Variants in EPHB1 observed in about 807,000 individuals in gnomAD.
The protein encoded by EPHB1 is ephrin type-B receptor 1.
A neutral mutation model predicts 94.4 loss-of-function variants in EPHB1; 30 were observed. That is an observed-to-expected ratio of 0.32 (90% CI 0.24 to 0.43). The LOEUF is 0.43. Among genes scored for constraint, EPHB1 ranks in the 20% least tolerant of loss-of-function variants. EPHB1 has a pLI of 1.00. For synonymous variants in EPHB1, 522 were observed against 489.1 expected, an observed-to-expected ratio of 1.07 and a Z score of -0.89; for missense variants, 1,055 against 1,308.3, an observed-to-expected ratio of 0.81 and a Z score of 2.99.
At chr3:134,896,362 C>T (rs1263493286) in intron 1 of EPHB1, among the ~76,000 whole-genome samples, 2 of 152,172 alleles carry the variant, frequency 1.3e-5, no homozygotes, top group African/African-American at 2.4e-5. Context: ...TGTGGATTGC[C>T]TCATCAGCAC....
At chr3:134,916,709 T>A (rs564974295) in intron 1 of EPHB1, among the ~76,000 whole-genome samples, 8 of 152,102 alleles carry the variant, frequency 5.3e-5, no homozygotes, top group Non-Finnish European at 8.8e-5. Context: ...CCACAAGAGC[T>A]GCACACAGCC....
At chr3:134,819,265 C>T (rs2036334399) in intron 1 of EPHB1, among the ~76,000 whole-genome samples, 1 of 152,062 alleles carries the variant, frequency 6.6e-6, no homozygotes, top group Admixed American at 6.5e-5. Context: ...GTGTGTCCTC[C>T]CTCTCCCTAT....
Position 135,179,887 on chromosome 3 carries a change from A to C in EPHB1, c.1787A>C (p.Asp596Ala). 1 of 1,613,840 alleles carries C rather than the reference A, an allele frequency of 6.2e-7. No individual in the cohort carries two copies. Among genetic ancestry groups the C allele is most frequent in the Non-Finnish European group, 8.5e-7 (1 of 1,179,834 alleles). The change falls in exon 10 of 16, where the codon GAC becomes GCC. Residue 596 changes from aspartate to alanine, a missense_variant. Asp to Ala is a moderately radical substitution (Grantham distance 126, BLOSUM62 -2). Transcript: ENST00000398015. ...TCCCCAGGGATGAAGATCTACATTG[A>C]CCCCTTCACTTACGAGGATCCCAAC... ...RGSPGMKIYI[D>A]PFTYEDPNEA...
chr3:135,047,659 A>G (rs1217159453), intron 3 of EPHB1, among the ~76,000 whole-genome samples: 1 of 152,192 alleles, frequency 6.6e-6, no homozygotes, highest in Non-Finnish European at 1.5e-5. Context: ...TTATTCATTC[A>G]TTCACTCATT....
intron 1 of EPHB1, among the ~76,000 whole-genome samples, chr3:134,868,388 A>T (rs1314838316): frequency 6.6e-6 from 1 of 152,222 alleles, no homozygotes; most frequent in Non-Finnish European, 1.5e-5. Flanking sequence ...GAGAAAATGA[A>T]CTACCCCCTA....
At chr3:134,930,187 G>C (rs536761660) in intron 2 of EPHB1, among the ~76,000 whole-genome samples, 2 of 152,354 alleles carry the variant, frequency 1.3e-5, no homozygotes, top group African/African-American at 4.8e-5. Context: ...GTGTGCCTTT[G>C]ATGCTGTACT....
At chr3:134,805,415 G>A (rs982153204) in intron 1 of EPHB1, among the ~76,000 whole-genome samples, 5 of 152,142 alleles carry the variant, frequency 3.3e-5, no homozygotes, top group African/African-American at 9.7e-5. Flanking sequence ...TTTGGGTGTC[G>A]AACCATAATG....
At chr3:134,948,659 T>C (rs2039262204) in intron 2 of EPHB1, among the ~76,000 whole-genome samples, 1 of 152,258 alleles carries the variant, frequency 6.6e-6, no homozygotes, top group Non-Finnish European at 1.5e-5. Flanking sequence ...CTCTTCCGTG[T>C]TGGCCACATG....
At chr3:135,224,103 C>T (rs765241976) in intron 12 of EPHB1, among the ~76,000 whole-genome samples, 36 of 152,314 alleles carry the variant, frequency 2.4e-4, no homozygotes, top group Middle Eastern at 3.4e-3. Flanking sequence ...CAGTATTCTT[C>T]ATAGTACCAT....
chr3:134,830,891 G>A (rs990524717), intron 1 of EPHB1, among the ~76,000 whole-genome samples: 1 of 152,146 alleles, frequency 6.6e-6, no homozygotes, highest in Non-Finnish European at 1.5e-5. Context: ...GTCAAGAAAG[G>A]GTAGAAGCCC....
At chr3:135,240,202 CTG>C (rs1261301410) in intron 12 of EPHB1, among the ~76,000 whole-genome samples, 1 of 152,156 alleles carries the variant, frequency 6.6e-6, no homozygotes, top group African/African-American at 2.4e-5. Flanking sequence ...GTTTTCTTGT[CTG>C]TCTCCCCACT....
At chr3:135,132,201 A>G (rs1286145735) in intron 4 of EPHB1, among the ~76,000 whole-genome samples, 3 of 152,110 alleles carry the variant, frequency 2.0e-5, no homozygotes, top group Non-Finnish European at 4.4e-5. Context: ...GCCTGTCCCT[A>G]CAGAGATGCA....
chr3:135,253,290 G>A (rs1368810414), intron 15 of EPHB1, among the ~76,000 whole-genome samples: 1 of 151,382 alleles, frequency 6.6e-6, no homozygotes, highest in South Asian at 2.1e-4. Flanking sequence ...CCTTGCCCAT[G>A]CCTATGTCCT....
At chr3:134,882,690 T>TTC (rs2037758872) in intron 1 of EPHB1, among the ~76,000 whole-genome samples, 1 of 151,740 alleles carries the variant, frequency 6.6e-6, no homozygotes, top group African/African-American at 2.4e-5. Flanking sequence ...CTTTCCTTCT[T>TTC]CTTTCCTTCT....
At chr3:134,840,295 G>A (rs2036752586) in intron 1 of EPHB1, among the ~76,000 whole-genome samples, 1 of 152,148 alleles carries the variant, frequency 6.6e-6, no homozygotes. Context: ...GGGGCCCATA[G>A]GTTTCATAAC....
intron 3 of EPHB1, among the ~76,000 whole-genome samples, chr3:135,041,685 TA>T (rs1168185516): frequency 1.3e-5 from 2 of 152,214 alleles, no homozygotes; most frequent in African/African-American, 4.8e-5. Flanking sequence ...TTAGTATAAG[TA>T]CGTCCCTGTT....
intron 5 of EPHB1, among the ~76,000 whole-genome samples, chr3:135,139,148 G>T (rs1240568952): frequency 6.6e-6 from 1 of 152,238 alleles, no homozygotes; most frequent in East Asian, 1.9e-4. Flanking sequence ...GTAAGTGTTT[G>T]GCTGGGGAGT....
intron 1 of EPHB1, among the ~76,000 whole-genome samples, chr3:134,798,212 C>T (rs1256677914): frequency 4.6e-5 from 7 of 152,186 alleles, no homozygotes; most frequent in Non-Finnish European, 8.8e-5. Context: ...GCAAATTGCT[C>T]TGAGGCCAGG....
chr3:135,239,540 A>T (rs1943730963), intron 12 of EPHB1, among the ~76,000 whole-genome samples: 1 of 152,214 alleles, frequency 6.6e-6, no homozygotes, highest in South Asian at 2.1e-4. Flanking sequence ...CTAAGCATGG[A>T]AAAAAGCATG....
Sources: allele counts gnomAD v4.1 joint callset (sites outside exome capture counted in the v4.1 genomes callset), GRCh38; gene constraint gnomAD v4.1.1; transcripts MANE v1.5; gene names NCBI Gene and HGNC (gene_info 2026-07-23, HGNC 2026-07-21).